Variants in ECPAS observed in about 807,000 individuals in gnomAD.
ECPAS encodes Ecm29 proteasome adaptor and scaffold, also known as proteasome adapter and scaffold protein ECM29.
Under a neutral mutation model 255.1 loss-of-function variants are expected in ECPAS, and 70 were observed. The ratio of observed to expected loss-of-function variants is 0.27; its 90% CI spans 0.23 to 0.33. ECPAS has a LOEUF of 0.33. Ranked by LOEUF, ECPAS falls within the 10% of genes least tolerant of loss-of-function variation. The pLI is 1.00. For synonymous variants in ECPAS, 784 were observed against 775.0 expected, an observed-to-expected ratio of 1.01 and a Z score of -0.19; for missense variants, 1,817 against 2,206.4, an observed-to-expected ratio of 0.82 and a Z score of 3.54.
At chr9:111,392,442 C>G (rs1003818431) in intron 28 of ECPAS, among the ~76,000 whole-genome samples, 9 of 152,334 alleles carry the variant, frequency 5.9e-5, no homozygotes, top group East Asian at 3.9e-4. Context: ...ACACTCTTCA[C>G]GGGTTAGACT....
In ECPAS at chr9:111,371,656, G is replaced by A. The variant is rs1313144063; in HGVS notation, c.4702C>T (p.Leu1568=). The change falls in exon 43 of 50, where the codon CTG becomes TTG. Residue 1568 remains leucine (L), a synonymous_variant. Transcript: ENST00000684092. ...PYLGMILTAL[L]QGLAGRTWAG... is the part of the protein sequence containing the mutation. ...CACGTTCTTCCAGCCAGGCCTTGCA[G>A]CAATGCGGTCAGTATCATTCCGAGA... is the stretch of plus-strand genomic sequence containing the variant. 3 of 1,613,720 alleles carry A rather than the reference G, an allele frequency of 1.9e-6. No homozygotes were observed. The highest frequency in any genetic ancestry group is 1.7e-5 in the Admixed American group (1 of 59,988).
At chr9:111,408,434 A>G in intron 24 of ECPAS, 137 bp downstream of exon 24, 1 of 572,248 alleles carries the variant, frequency 1.7e-6, no homozygotes. Context: ...GCACAAAACT[A>G]GTACTCAAGT....
chr9:111,410,264 C>T, intron 22 of ECPAS, 51 bp from the exon 23 acceptor site: 1 of 1,480,318 alleles, frequency 6.8e-7, no homozygotes, highest in East Asian at 2.3e-5. Flanking sequence ...ATCCTTACGA[C>T]CCAAAGCAAC....
In ECPAS at chr9:111,370,566, G is replaced by A; in HGVS notation, c.4843C>T (p.Leu1615=). 1 of 1,610,776 alleles carries A rather than the reference G, an allele frequency of 6.2e-7. No individual in the cohort carries two copies. Among genetic ancestry groups the A allele is most frequent in the Non-Finnish European group, 8.5e-7 (1 of 1,178,410 alleles). Residue 1615 remains leucine, a synonymous_variant, in exon 45 of 50, where the codon CTG becomes TTG. Coordinates refer to ENST00000684092, the MANE Select transcript of ECPAS (RefSeq NM_001364929.1). ...PSTNEILQAV[L]KECSKENVKY... ...ACATTCTCTTTGCTACATTCCTTCA[G>A]AACAGCTTGAAGAATTTCATTTGTG...
chr9:111,410,185 G>T lies in ECPAS; in HGVS notation c.2406C>A (p.Leu802=). 1.2e-6 allele frequency: 2 copies of T among 1,613,192 alleles called. No individual in the cohort carries two copies. Among genetic ancestry groups the T allele is most frequent in the Non-Finnish European group, 1.7e-6 (2 of 1,179,612 alleles). ...IGSFLDSTSP[L]LAIAACTALG... is the part of the protein sequence containing the mutation. ...GGGCTGTGCAGGCAGCAATTGCCAG[G>T]AGGGGTGATGTACTGTCCAAAAATG... Residue 802 remains leucine (L), a synonymous_variant, in exon 23 of 50, where the codon CTC becomes CTA. Transcript: ENST00000684092.
At chr9:111,400,199 G>A (rs1302237718) in intron 24 of ECPAS, among the ~76,000 whole-genome samples, 1 of 152,208 alleles carries the variant, frequency 6.6e-6, no homozygotes, top group Non-Finnish European at 1.5e-5. Context: ...CCTGGGCTTA[G>A]GGTGCCCTCT....
chr9:111,373,123 G>A (rs774144909), intron 41 of ECPAS, 47 bp downstream of exon 41: 2 of 1,436,742 alleles, frequency 1.4e-6, no homozygotes, highest in African/African-American at 1.4e-5. Flanking sequence ...TTACTGGGCT[G>A]TTAACATCTA....
At chr9:111,379,245 G>C (rs1034495825) in intron 35 of ECPAS, among the ~76,000 whole-genome samples, 7 of 152,070 alleles carry the variant, frequency 4.6e-5, no homozygotes, top group Admixed American at 3.9e-4. Context: ...GAATACCTTG[G>C]GGATACTGCA....
intron 2 of ECPAS, among the ~76,000 whole-genome samples, chr9:111,464,140 ACT>A (rs1436234550): frequency 6.6e-6 from 1 of 151,770 alleles, no homozygotes; most frequent in East Asian, 1.9e-4. Context: ...CTAGAAAAAA[ACT>A]CTCCCAGGGG....
At position 111,372,415 on chromosome 9, in the gene ECPAS, G is replaced by A. The variant is rs200787536; in HGVS notation, c.4528+14C>T. 4.8e-5 allele frequency: 77 copies of A among 1,609,518 alleles called. No individual in the cohort carries two copies. In the African/African-American group the frequency reaches 9.3e-4, roughly 20 times the overall value. On this transcript the variant is annotated intron_variant, in intron 42 of 49. Transcript: ENST00000684092. ...TTCCTAAGAAGCAGGTTTAACTCAG[G>A]CCACACTACTAACCAGGTACGTTTT...
Position 111,408,585 on chromosome 9 carries a change from T to C in ECPAS, c.2638A>G (p.Met880Val), listed in dbSNP as rs1186672012. The C allele has an allele frequency of 3.2e-6, 5 of 1,584,774 alleles. No homozygotes were observed. Among genetic ancestry groups the C allele is most frequent in the South Asian group, 1.2e-5 (1 of 85,858 alleles). Residue 880 changes from methionine to valine, a missense_variant, in exon 24 of 50, where the codon ATG becomes GTG. Transcript: ENST00000684092. The stretch of plus-strand genomic sequence containing the variant: ...AATATAAATACCTCCACAGAATCCA[T>C]CAGACCTTGCAAGAGGAGTTTCTGG... ...PHQKLLLQGL[M>V]DSVEAKQIEL...
chr9:111,367,750 C>A (rs929617663), intron 46 of ECPAS, among the ~76,000 whole-genome samples: 1 of 152,000 alleles, frequency 6.6e-6, no homozygotes, highest in Non-Finnish European at 1.5e-5. Flanking sequence ...TTATAACATT[C>A]AATAATATTG....
At chr9:111,478,215 T>A (rs1056773794) in intron 1 of ECPAS, among the ~76,000 whole-genome samples, 2 of 151,568 alleles carry the variant, frequency 1.3e-5, no homozygotes, top group Non-Finnish European at 2.9e-5. Context: ...GGCAACTTCA[T>A]GCTCAATGGT....
intron 42 of ECPAS, among the ~76,000 whole-genome samples, chr9:111,372,189 A>G (rs2098128192): frequency 6.6e-6 from 1 of 152,226 alleles, no homozygotes; most frequent in Admixed American, 6.5e-5. Context: ...ATATTCTCTC[A>G]TGTGGGCAGT....
At chr9:111,403,361 A>T (rs549532567) in intron 24 of ECPAS, among the ~76,000 whole-genome samples, 2 of 135,104 alleles carry the variant, frequency 1.5e-5, no homozygotes, top group African/African-American at 3.2e-5. Context: ...TCTCCGAAAG[A>T]AAAAAAAAAA....
intron 2 of ECPAS, among the ~76,000 whole-genome samples, chr9:111,463,594 T>A (rs1411353371): frequency 1.3e-5 from 2 of 152,150 alleles, no homozygotes; most frequent in African/African-American, 4.8e-5. Context: ...CTTATAAAGC[T>A]ATGACAATTA....
chr9:111,473,733 G>A (rs529759155), intron 1 of ECPAS, among the ~76,000 whole-genome samples: 5 of 152,306 alleles, frequency 3.3e-5, no homozygotes, highest in African/African-American at 4.8e-5. Flanking sequence ...CTGAGAGGCC[G>A]AGGAGGGCAG....
chr9:111,439,797 G>A (rs1323204107), intron 6 of ECPAS, among the ~76,000 whole-genome samples: 1 of 152,036 alleles, frequency 6.6e-6, no homozygotes, highest in Non-Finnish European at 1.5e-5. Context: ...GAGAGGGGGT[G>A]TAGAGAGATT....
chr9:111,462,557 G>A (rs929940668), intron 2 of ECPAS, among the ~76,000 whole-genome samples: 8 of 151,690 alleles, frequency 5.3e-5, no homozygotes, highest in Admixed American at 5.3e-4. Flanking sequence ...AGTCAACTGA[G>A]ATAAATGAGA....
Sources: gnomAD v4.1 joint callset for allele counts (sites outside exome capture counted in the v4.1 genomes callset) on GRCh38, gnomAD v4.1.1 for gene constraint, MANE v1.5 for transcripts, NCBI Gene and HGNC (gene_info 2026-07-23, HGNC 2026-07-21) for gene names.